ZNF600: variants seen among roughly 807,000 people sequenced by gnomAD.
ZNF600 encodes the protein zinc finger protein 600.
In ZNF600, 4 loss-of-function variants were observed where a neutral mutation model predicts 7.3. The ratio of observed to expected loss-of-function variants is 0.55; its 90% CI spans 0.27 to 1.25. ZNF600 has a LOEUF of 1.25. Ranked by LOEUF, ZNF600 falls within the 50% of genes most tolerant of loss-of-function variation. ZNF600 has a pLI of 0.12. For synonymous variants in ZNF600, 290 were observed against 308.9 expected (o/e 0.94, Z 0.64); for missense variants, 911 against 922.1 (o/e 0.99, Z 0.16).
In ZNF600 at chr19:52,765,909, C is replaced by T. The variant is rs371393908; in HGVS notation, c.2054G>A (p.Gly685Glu). The change falls in exon 4 of 4, where the codon GGG becomes GAG. Residue 685 changes from glycine (G) to glutamate (E), a missense_variant. Gly to Glu is a moderately conservative substitution (Grantham distance 98). Transcript: ENST00000648973. Reference sequence around the variant, plus strand: ...TTGTGATTGTTGATTAAAAGCCTTCCCACATTCATTACACTTGTAAGGTTT... The same window carrying T: ...TTGTGATTGTTGATTAAAAGCCTTCTCACATTCATTACACTTGTAAGGTTT... 7 of 1,613,990 alleles carry T rather than the reference C, an allele frequency of 4.3e-6. No homozygotes were observed. In the African/African-American group the frequency reaches 5.3e-5, roughly 12 times the overall value.
the ZNF600 span, among the ~76,000 whole-genome samples, chr19:52,808,623 C>A: frequency 6.7e-6 from 1 of 149,880 alleles, no homozygotes; most frequent in Non-Finnish European, 1.5e-5. Flanking sequence ...AACAGAAACT[C>A]CATCTCAAAA....
At position 52,767,224 on chromosome 19, in the gene ZNF600, T is replaced by C. The variant is rs777920793; in HGVS notation, c.739A>G (p.Arg247Gly). Reference sequence around the variant, plus strand: ...CCTAAATGGGGTATCTGGTGTTTCCTTAAGAGTGAGCTACAATTAAAGGCT... The same window carrying C: ...CCTAAATGGGGTATCTGGTGTTTCCCTAAGAGTGAGCTACAATTAAAGGCT... The change falls in exon 4 of 4, where the codon AGG (arginine) becomes GGG (glycine). Residue 247 changes from arginine to glycine, a missense_variant. By Grantham distance (125) the Arg-to-Gly change is moderately radical. Transcript: ENST00000648973. The C allele has an allele frequency of 5.6e-6, 9 of 1,614,076 alleles. No homozygotes were observed. Among genetic ancestry groups the C allele is most frequent in the Non-Finnish European group, 7.6e-6 (9 of 1,180,028 alleles).
At chr19:52,809,257 GAC>G in the ZNF600 span, among the ~76,000 whole-genome samples, 7 of 152,080 alleles carry the variant, frequency 4.6e-5, no homozygotes, top group Non-Finnish European at 8.8e-5. Context: ...TAGTAATGCG[GAC>G]GTGCACAGAG....
chr19:52,801,275 A>G, the ZNF600 span: 1 of 1,614,098 alleles, frequency 6.2e-7, no homozygotes, highest in Non-Finnish European at 8.5e-7. Flanking sequence ...TTCCATACTT[A>G]TTAGAAATAT....
chr19:52,767,713 C>T (rs1275617695), exon 4 of ZNF600: 1 of 1,611,118 alleles, frequency 6.2e-7, no homozygotes, highest in Non-Finnish European at 8.5e-7. Context: ...GTGTGGATCA[C>T]TTCTGTATTG....
At chr19:52,803,067 TA>T in the ZNF600 span, among the ~76,000 whole-genome samples, 34 of 151,572 alleles carry the variant, frequency 2.2e-4, no homozygotes, top group South Asian at 1.0e-3. Context: ...GGCCGACTTT[TA>T]AAAAAAATTT....
chr19:52,815,605 A>G, the ZNF600 span, among the ~76,000 whole-genome samples: 5 of 146,766 alleles, frequency 3.4e-5, 1 homozygote, highest in South Asian at 4.5e-4. Context: ...CGGGCGAATC[A>G]TGAGGTCAGG....
the ZNF600 span, among the ~76,000 whole-genome samples, chr19:52,810,896 CCCCTCCCTCTCCCTCTCCCT>C: frequency 2.3e-4 from 4 of 17,618 alleles, no homozygotes; most frequent in Admixed American, 4.6e-4. Context: ...CCTCCCCCTC[CCCCTCCCTCTCCCTCTCCCT>C]CCACAGTCTC....
chr19:52,804,610 A>G, the ZNF600 span, among the ~76,000 whole-genome samples: 1 of 152,150 alleles, frequency 6.6e-6, no homozygotes, highest in East Asian at 1.9e-4. Context: ...ACCTCAAGTG[A>G]TCAACCGATC....
chr19:52,778,767 A>G, intron 2 of ZNF600, 59 bp downstream of exon 4: 1 of 1,562,532 alleles, frequency 6.4e-7, no homozygotes, highest in Non-Finnish European at 8.6e-7. Context: ...GGCTGCTACA[A>G]TACCTGGCAT....
the ZNF600 span, chr19:52,809,822 A>AGGCAGCGGT: frequency 5.7e-6 from 3 of 527,246 alleles, no homozygotes; most frequent in Non-Finnish European, 6.7e-6. Context: ...TGAGCGGCGA[A>AGGCAGCGGT]GGCGGCGGCG....
the ZNF600 span, among the ~76,000 whole-genome samples, chr19:52,811,576 G>A: frequency 1.4e-5 from 2 of 147,140 alleles, no homozygotes; most frequent in Non-Finnish European, 3.0e-5. Flanking sequence ...CGCCTCTGCT[G>A]GGCCGCAACC....
At chr19:52,810,576 G>A in the ZNF600 span, 32 of 1,591,316 alleles carry the variant, frequency 2.0e-5, no homozygotes, top group African/African-American at 5.4e-5. Context: ...GGTCTTCCAC[G>A]AGCCCGCTAC....
At chr19:52,775,675 C>G (rs2062668956) in intron 2 of ZNF600, among the ~76,000 whole-genome samples, 1 of 152,154 alleles carries the variant, frequency 6.6e-6, no homozygotes, top group Non-Finnish European at 1.5e-5. Context: ...TCAGAGAGGA[C>G]AAAATCCAAC....
the ZNF600 span, among the ~76,000 whole-genome samples, chr19:52,811,206 C>T: frequency 6.6e-6 from 1 of 151,012 alleles, no homozygotes; most frequent in Non-Finnish European, 1.5e-5. Context: ...CAATGGTGCC[C>T]AGGCTGGAGT....
the ZNF600 span, among the ~76,000 whole-genome samples, chr19:52,796,210 G>C: frequency 2.6e-5 from 4 of 152,152 alleles, no homozygotes; most frequent in Non-Finnish European, 4.4e-5. Flanking sequence ...CATGCGTCCT[G>C]GGTCTGGGGA....
rs557664523 is a variant in ZNF600 at position 52,783,821 on chromosome 19, G to A, written c.-20+2774C>T. 4.0e-5 allele frequency among the ~76,000 whole-genome samples: 6 copies of A among 151,516 alleles called. No individual in the cohort carries two copies. The South Asian group carries it at 1.0e-3, about 26-fold the overall frequency. ...TTGTTTGTTTTTTAGACGGAGTTTC[G>A]CTCTTGTTGCCCACGCTGAAGTCCA... is the stretch of plus-strand genomic sequence containing the variant. On this transcript the variant is annotated intron_variant, in intron 1 of 3. Coordinates refer to ENST00000648973, the Ensembl canonical transcript of ZNF600.
intron 3 of ZNF600, among the ~76,000 whole-genome samples, chr19:52,770,996 G>A (rs1245863023): frequency 6.6e-6 from 1 of 152,070 alleles, no homozygotes; most frequent in African/African-American, 2.4e-5. Flanking sequence ...ATCATGCCTG[G>A]CTCATTTTGT....
chr19:52,810,260 T>A, the ZNF600 span: 1 of 1,350,156 alleles, frequency 7.4e-7, no homozygotes, highest in East Asian at 2.3e-5. Context: ...CAGGCAATGC[T>A]GGCCCAGTGA....
Sources: allele counts gnomAD v4.1 joint callset (sites outside exome capture counted in the v4.1 genomes callset), GRCh38; gene constraint gnomAD v4.1.1; transcripts MANE v1.5; gene names NCBI Gene and HGNC (gene_info 2026-07-23, HGNC 2026-07-21).